Variants in NME7 observed in about 807,000 individuals in gnomAD.
NME7 encodes the protein nucleoside diphosphate kinase 7.
A neutral mutation model predicts 49.1 loss-of-function variants in NME7; 41 were observed. That is an observed-to-expected ratio of 0.83 (90% CI 0.65 to 1.08). The LOEUF (loss-of-function observed/expected upper bound fraction) is 1.08, where lower values mean the gene tolerates loss of function less well. Ranked by LOEUF, NME7 falls within the 50% of genes least tolerant of loss-of-function variation. NME7 has a pLI of 0.00. For synonymous variants in NME7, 139 were observed against 150.6 expected, an observed-to-expected ratio of 0.92 and a Z score of 0.56; for missense variants, 423 against 463.4, an observed-to-expected ratio of 0.91 and a Z score of 0.80.
intron 10 of NME7, among the ~76,000 whole-genome samples, chr1:169,201,501 T>C (rs1660549795): frequency 6.6e-6 from 1 of 152,056 alleles, no homozygotes. Context: ...CGGGAAGTGA[T>C]GAAAATCTCA....
intron 7 of NME7, among the ~76,000 whole-genome samples, chr1:169,249,348 C>T (rs558108556): frequency 1.4e-4 from 21 of 152,034 alleles, no homozygotes; most frequent in Admixed American, 9.2e-4. Context: ...CCTGAGACTA[C>T]GGAATTCATT....
At chr1:169,287,197 G>T (rs935413737) in intron 7 of NME7, 106 bp downstream of exon 7, 3 of 951,080 alleles carry the variant, frequency 3.2e-6, no homozygotes, top group East Asian at 2.6e-5. Flanking sequence ...GAAAAAAAAT[G>T]GAAATACTAA....
intron 1 of NME7, among the ~76,000 whole-genome samples, chr1:169,334,166 A>C (rs939508764): frequency 6.6e-6 from 1 of 152,126 alleles, no homozygotes; most frequent in South Asian, 2.1e-4. Context: ...TAGTCAATCT[A>C]TTTCAAGCCA....
chr1:169,263,838 A>T (rs912353212), intron 7 of NME7, among the ~76,000 whole-genome samples: 2 of 132,470 alleles, frequency 1.5e-5, no homozygotes, highest in Non-Finnish European at 3.6e-5. Context: ...AAATGTTAAA[A>T]GCAGCTAGAG....
chr1:169,192,361 T>C (rs1660256729), intron 10 of NME7, among the ~76,000 whole-genome samples: 1 of 152,186 alleles, frequency 6.6e-6, no homozygotes, highest in South Asian at 2.1e-4. Flanking sequence ...ATTGCACCTA[T>C]ACAGAACATA....
At chr1:169,232,920 T>TTC (rs1647698906) in intron 9 of NME7, among the ~76,000 whole-genome samples, 5 of 138,390 alleles carry the variant, frequency 3.6e-5, no homozygotes, top group African/African-American at 1.3e-4. Context: ...TTCTTTTTTT[T>TTC]TTTTTTTTTT....
chr1:169,183,751 G>A (rs1019031921), intron 10 of NME7, among the ~76,000 whole-genome samples: 64 of 151,844 alleles, frequency 4.2e-4, no homozygotes, highest in Non-Finnish European at 1.3e-4. Context: ...GCAGTGAGCC[G>A]AGATCACGCC....
intron 7 of NME7, among the ~76,000 whole-genome samples, chr1:169,276,738 G>A (rs1649747512): frequency 7.6e-6 from 1 of 130,730 alleles, no homozygotes; most frequent in South Asian, 2.4e-4. Context: ...GCTTTTGAAT[G>A]TTGTTTGCTC....
intron 10 of NME7, chr1:169,190,794 GTTTCTTTTTTTTTTTT>G (rs1660198348): frequency 2.3e-5 from 2 of 88,610 alleles, no homozygotes; most frequent in South Asian, 1.7e-4. Flanking sequence ...CAAGTGAACT[GTTTCTTTTTTTTTTTT>G]TTTTTTTTTT....
intron 11 of NME7, among the ~76,000 whole-genome samples, chr1:169,141,763 T>A (rs12083075): frequency 0.44 from 67,347 of 151,908 alleles, 15,370 homozygotes; most frequent in East Asian, 0.79. Flanking sequence ...CCTTTTTTTT[T>A]ATAAGGACAG....
chr1:169,163,036 A>G (rs1659295621), intron 11 of NME7, among the ~76,000 whole-genome samples: 1 of 152,196 alleles, frequency 6.6e-6, no homozygotes, highest in African/African-American at 2.4e-5. Flanking sequence ...GGAAAAGACC[A>G]CATGTTTAAA....
chr1:169,336,808 GA>G (rs1459411487), intron 1 of NME7, among the ~76,000 whole-genome samples: 1 of 151,194 alleles, frequency 6.6e-6, no homozygotes, highest in Non-Finnish European at 1.5e-5. Flanking sequence ...TAGACATAAA[GA>G]TTCTCCAAGG....
intron 7 of NME7, among the ~76,000 whole-genome samples, chr1:169,281,784 T>C (rs915461087): frequency 6.6e-6 from 1 of 152,224 alleles, no homozygotes; most frequent in African/African-American, 2.4e-5. Flanking sequence ...CAGCCTTGCA[T>C]TCCAGCAATG....
intron 10 of NME7, among the ~76,000 whole-genome samples, chr1:169,219,400 T>C (rs1661072400): frequency 6.6e-6 from 1 of 152,224 alleles, no homozygotes; most frequent in Non-Finnish European, 1.5e-5. Context: ...GTAATCTGGA[T>C]GTGAATAGGT....
chr1:169,189,422 C>A (rs1171534290), intron 10 of NME7, among the ~76,000 whole-genome samples: 1 of 152,104 alleles, frequency 6.6e-6, no homozygotes, highest in Non-Finnish European at 1.5e-5. Flanking sequence ...TAAACTGTAT[C>A]AATGCAAGTC....
intron 11 of NME7, among the ~76,000 whole-genome samples, chr1:169,147,068 C>G (rs1341880100): frequency 6.6e-6 from 1 of 152,136 alleles, no homozygotes; most frequent in Non-Finnish European, 1.5e-5. Flanking sequence ...TCTCTCATCC[C>G]CCTCAAGAAC....
chr1:169,247,734 G>A (rs1253390758), intron 7 of NME7, among the ~76,000 whole-genome samples: 2 of 152,036 alleles, frequency 1.3e-5, no homozygotes, highest in Admixed American at 6.6e-5. Context: ...AGAACATACG[G>A]TTTTTGGTTT....
At chr1:169,255,021 T>A (rs1303779810) in intron 7 of NME7, among the ~76,000 whole-genome samples, 1 of 134,414 alleles carries the variant, frequency 7.4e-6, no homozygotes, top group South Asian at 2.3e-4. Flanking sequence ...GGTGTGGTGC[T>A]GAAAAAAATG....
chr1:169,229,734 G>C (rs1271557697), intron 10 of NME7, among the ~76,000 whole-genome samples: 2 of 152,144 alleles, frequency 1.3e-5, no homozygotes, highest in Non-Finnish European at 2.9e-5. Flanking sequence ...GCCGAGACAG[G>C]CTGATCACCT....
Sources: allele counts gnomAD v4.1 joint callset (sites outside exome capture counted in the v4.1 genomes callset), GRCh38; gene constraint gnomAD v4.1.1; transcripts MANE v1.5; gene names NCBI Gene and HGNC (gene_info 2026-07-23, HGNC 2026-07-21).